Variants in OCA2 observed in about 807,000 individuals in gnomAD.
The protein encoded by OCA2 is OCA2 melanosomal transmembrane protein, also known as P protein.
In OCA2, 77 loss-of-function variants were observed where a neutral mutation model predicts 100.2. That is an observed-to-expected ratio of 0.77 (90% CI 0.64 to 0.93). The LOEUF is 0.93. Among genes scored for constraint, OCA2 ranks in the 40% least tolerant of loss-of-function variants. OCA2 has a pLI of 0.00. For missense variants in OCA2, 1,062 were observed against 1,089.1 expected (o/e 0.98, Z 0.35); for synonymous variants, 432 against 439.2 (o/e 0.98, Z 0.21).
chr15:27,777,872 G>C (rs1234194774), intron 23 of OCA2, among the ~76,000 whole-genome samples: 1 of 152,150 alleles, frequency 6.6e-6, no homozygotes. Flanking sequence ...TCATATTCAT[G>C]GAAGAAATTA....
At chr15:27,818,510 G>C (rs1044418895) in intron 23 of OCA2, among the ~76,000 whole-genome samples, 2 of 152,202 alleles carry the variant, frequency 1.3e-5, no homozygotes, top group African/African-American at 2.4e-5. Flanking sequence ...TGCCACAAAA[G>C]AGTTGTCATG....
chr15:27,953,045 T>C (rs1361759285), intron 17 of OCA2, among the ~76,000 whole-genome samples: 1 of 152,202 alleles, frequency 6.6e-6, no homozygotes, highest in Non-Finnish European at 1.5e-5. Flanking sequence ...CTGTCTAATC[T>C]GTCTAGGTGG....
intron 23 of OCA2, among the ~76,000 whole-genome samples, chr15:27,779,833 T>C (rs1275146588): frequency 6.6e-6 from 1 of 152,208 alleles, no homozygotes; most frequent in Non-Finnish European, 1.5e-5. Flanking sequence ...CTTATAGCTT[T>C]TTTGTCCCTC....
At chr15:27,995,675 C>T (rs186260380) in intron 9 of OCA2, among the ~76,000 whole-genome samples, 3 of 152,078 alleles carry the variant, frequency 2.0e-5, no homozygotes, top group African/African-American at 7.2e-5. Flanking sequence ...TAAGCATGAG[C>T]CACCATGCTT....
chr15:27,831,303 A>AAAAAAAAAAACAAAAAAAAC, intron 23 of OCA2, among the ~76,000 whole-genome samples: 1 of 150,960 alleles, frequency 6.6e-6, no homozygotes, highest in Non-Finnish European at 1.5e-5. Flanking sequence ...AAAAAAAAAA[A>AAAAAAAAAAACAAAAAAAAC]AAATCGGTCT....
chr15:27,969,707 T>C (rs1253233556), intron 14 of OCA2, among the ~76,000 whole-genome samples: 1 of 152,172 alleles, frequency 6.6e-6, no homozygotes. Context: ...AGAGGAACCC[T>C]CAATCAGATC....
At chr15:27,885,520 T>C (rs1165500602) in intron 19 of OCA2, among the ~76,000 whole-genome samples, 3 of 152,344 alleles carry the variant, frequency 2.0e-5, no homozygotes, top group Non-Finnish European at 4.4e-5. Flanking sequence ...AAGTTATCTT[T>C]TTCTCTTTCT....
chr15:27,744,964 A>G, the OCA2 span, among the ~76,000 whole-genome samples: 4 of 152,054 alleles, frequency 2.6e-5, no homozygotes, highest in African/African-American at 7.2e-5. Flanking sequence ...CCAAATTCCA[A>G]CCTGACTCTA....
intron 6 of OCA2, among the ~76,000 whole-genome samples, chr15:28,022,269 C>T (rs2042616905): frequency 6.6e-6 from 1 of 152,166 alleles, no homozygotes; most frequent in South Asian, 2.1e-4. Context: ...GCCCTGCTGT[C>T]CCCCTTCCTC....
intron 11 of OCA2, 142 bp from the exon 12 acceptor site, chr15:27,986,785 G>T: frequency 1.4e-6 from 1 of 732,872 alleles, no homozygotes; most frequent in South Asian, 1.5e-5. Flanking sequence ...GATGCAGAAA[G>T]ACCGTCACTT....
intron 2 of OCA2, among the ~76,000 whole-genome samples, chr15:28,054,334 T>C (rs1382450628): frequency 2.0e-5 from 3 of 152,170 alleles, no homozygotes; most frequent in Non-Finnish European, 2.9e-5. Context: ...GTATGAAGTG[T>C]GTGTTTATGT....
chr15:27,859,240 T>C (rs2036046483), intron 21 of OCA2, among the ~76,000 whole-genome samples: 2 of 152,088 alleles, frequency 1.3e-5, no homozygotes, highest in Non-Finnish European at 2.9e-5. Context: ...CAAAAGCTGA[T>C]TCCTTGAAAG....
intron 23 of OCA2, among the ~76,000 whole-genome samples, chr15:27,775,281 A>G (rs903290490): frequency 6.6e-5 from 10 of 152,236 alleles, no homozygotes; most frequent in South Asian, 6.2e-4. Flanking sequence ...CCATTGCATC[A>G]GTGAAGCTCG....
At chr15:27,753,702 A>G (rs1373706995), downstream of OCA2, among the ~76,000 whole-genome samples, 1 of 151,900 alleles carries the variant, frequency 6.6e-6, no homozygotes, top group African/African-American at 2.4e-5. Flanking sequence ...GCACCACTAC[A>G]CTCCAGCCTG....
intron 17 of OCA2, among the ~76,000 whole-genome samples, chr15:27,954,595 C>A (rs1337388413): frequency 6.6e-6 from 1 of 152,008 alleles, no homozygotes; most frequent in African/African-American, 2.4e-5. Flanking sequence ...CACTGAGATG[C>A]AAATGACTCC....
At chr15:27,751,112 G>C (rs1332025097), downstream of OCA2, among the ~76,000 whole-genome samples, 1 of 152,196 alleles carries the variant, frequency 6.6e-6, no homozygotes, top group Non-Finnish European at 1.5e-5. Context: ...GAAATATCCA[G>C]ACGGTCCTAA....
chr15:27,976,182 C>A (rs1310640329), intron 14 of OCA2, among the ~76,000 whole-genome samples: 1 of 152,174 alleles, frequency 6.6e-6, no homozygotes, highest in Non-Finnish European at 1.5e-5. Flanking sequence ...AAATCTTCTA[C>A]GTGGACGATT....
intron 14 of OCA2, among the ~76,000 whole-genome samples, chr15:27,971,030 A>C (rs1489784157): frequency 6.6e-6 from 1 of 151,840 alleles, no homozygotes; most frequent in East Asian, 1.9e-4. Context: ...TGGTGGGAAA[A>C]CATAATTATA....
At chr15:27,896,007 G>A in intron 19 of OCA2, 1 of 959,642 alleles carries the variant, frequency 1.0e-6, no homozygotes, top group Non-Finnish European at 1.7e-6. Context: ...TATTGTACTG[G>A]CCTGCAGGCT....
Sources: allele counts gnomAD v4.1 joint callset (sites outside exome capture counted in the v4.1 genomes callset), GRCh38; gene constraint gnomAD v4.1.1; transcripts MANE v1.5; gene names NCBI Gene and HGNC (gene_info 2026-07-23, HGNC 2026-07-21).